TMEM14A: variants seen among roughly 807,000 people sequenced by gnomAD.
TMEM14A encodes transmembrane protein 14A.
A neutral mutation model predicts 11.6 loss-of-function variants in TMEM14A; 8 were observed. The ratio of observed to expected loss-of-function variants is 0.69; its 90% CI spans 0.40 to 1.24. TMEM14A has a LOEUF of 1.24. TMEM14A is among the 50% of genes most tolerant of loss of function. The pLI is 0.01. For synonymous variants in TMEM14A, 34 were observed against 45.5 expected (o/e 0.75, Z 1.02); for missense variants, 108 against 121.9 (o/e 0.89, Z 0.54).
chr6:52,676,359 C>T (rs925991053), intron 1 of TMEM14A, among the ~76,000 whole-genome samples: 14 of 152,102 alleles, frequency 9.2e-5, no homozygotes, highest in Non-Finnish European at 2.1e-4. Flanking sequence ...CTCAAGCAAT[C>T]CTCCCAACTC....
chr6:52,685,130 G>T (rs1336837706), intron 4 of TMEM14A, among the ~76,000 whole-genome samples: 1 of 152,178 alleles, frequency 6.6e-6, no homozygotes, highest in Non-Finnish European at 1.5e-5. Context: ...TTCTGTGGGT[G>T]ATAGTGTGAT....
rs1291639036 is a variant in TMEM14A at position 52,681,795 on chromosome 6, AT to A, written c.71-11del. On this transcript the variant is annotated splice_polypyrimidine_tract_variant and intron_variant, in intron 2 of 4. Coordinates refer to ENST00000211314, the MANE Select transcript of TMEM14A (RefSeq NM_014051.4). The stretch of plus-strand genomic sequence containing the variant: ...TTTGGGATTCTCTTTGTGATCTCAT[AT>A]TTTTTTCCCCTTCCAGGTGGTGTTC... 4 of 1,607,756 alleles carry A rather than the reference AT, an allele frequency of 2.5e-6. No homozygotes were observed. The highest frequency in any genetic ancestry group is 4.5e-5 in the East Asian group (2 of 44,816).
intron 2 of TMEM14A, among the ~76,000 whole-genome samples, chr6:52,679,469 G>T (rs561684668): frequency 6.6e-6 from 1 of 152,216 alleles, no homozygotes; most frequent in African/African-American, 2.4e-5. Flanking sequence ...GTGCTTGCTG[G>T]GCAGGCTGCT....
intron 2 of TMEM14A, among the ~76,000 whole-genome samples, chr6:52,680,215 G>A (rs1216227644): frequency 6.6e-6 from 1 of 151,784 alleles, no homozygotes; most frequent in Non-Finnish European, 1.5e-5. Flanking sequence ...CTATGATGGG[G>A]GCCCTTGTTC....
chr6:52,676,986 G>A (rs531796832), intron 1 of TMEM14A, 101 bp from the exon 2 acceptor site: 3 of 1,052,624 alleles, frequency 2.9e-6, no homozygotes, highest in African/African-American at 1.6e-5. Flanking sequence ...AAATTTGGGT[G>A]GGGACACACA....
intron 2 of TMEM14A, among the ~76,000 whole-genome samples, chr6:52,680,603 A>G (rs1399531162): frequency 6.2e-4 from 76 of 121,702 alleles, no homozygotes; most frequent in Non-Finnish European, 9.6e-4. Context: ...TTATATATAT[A>G]TATATATATG....
intron 1 of TMEM14A, among the ~76,000 whole-genome samples, chr6:52,673,950 G>C (rs938841642): frequency 6.6e-6 from 1 of 152,238 alleles, no homozygotes; most frequent in African/African-American, 2.4e-5. Context: ...TGAATGAGAA[G>C]AGTAATCATT....
rs536657713 is a variant in TMEM14A, at chr6:52,681,711, AG to A, written c.71-100del. The A allele has an allele frequency of 3.4e-3, 3,249 of 953,704 alleles. 4 individuals carry two copies. Among genetic ancestry groups the A allele is most frequent in the Non-Finnish European group, 4.4e-3 (2,670 of 609,140 alleles). The allele number at this position is 953,704 out of a possible 1,614,324, so 59.1% of individuals were successfully genotyped here. A position where few individuals can be genotyped will look rare whatever the true frequency, so the allele number is the denominator to read the frequency against. ...CTTTGTCCAGTTACTGTGCCCAAGT[AG>A]GAATACATTTGAAGGTGCCTGTATC... On this transcript the variant is annotated intron_variant, in intron 2 of 4. Coordinates refer to ENST00000211314, the MANE Select transcript of TMEM14A (RefSeq NM_014051.4).
chr6:52,683,385 G>A (rs1316001046), intron 3 of TMEM14A, among the ~76,000 whole-genome samples: 2 of 151,020 alleles, frequency 1.3e-5, no homozygotes, highest in Admixed American at 6.6e-5. Flanking sequence ...GCTTGAACCC[G>A]GGAGGTGGAG....
intron 2 of TMEM14A, among the ~76,000 whole-genome samples, chr6:52,680,288 A>G (rs1055832141): frequency 1.3e-5 from 2 of 151,902 alleles, no homozygotes; most frequent in Non-Finnish European, 2.9e-5. Context: ...ACACTTGGCC[A>G]AGTGAACAGT....
chr6:52,674,343 C>T (rs113845895), intron 1 of TMEM14A, among the ~76,000 whole-genome samples: 1 of 152,242 alleles, frequency 6.6e-6, no homozygotes, highest in African/African-American at 2.4e-5. Flanking sequence ...TTTACATGTT[C>T]GCTTTTTTTC....
At chr6:52,679,138 G>A (rs1487937160) in intron 2 of TMEM14A, among the ~76,000 whole-genome samples, 1 of 152,194 alleles carries the variant, frequency 6.6e-6, no homozygotes, top group Non-Finnish European at 1.5e-5. Flanking sequence ...GGGTTAAACG[G>A]AGAAGCTGAT....
intron 2 of TMEM14A, among the ~76,000 whole-genome samples, chr6:52,680,841 A>T (rs1474254292): frequency 2.0e-5 from 3 of 148,518 alleles, no homozygotes; most frequent in African/African-American, 7.4e-5. Context: ...TTGTCTTCTC[A>T]TTCAGAATGC....
chr6:52,674,985 T>G (rs1296805570), intron 1 of TMEM14A, among the ~76,000 whole-genome samples: 1 of 151,924 alleles, frequency 6.6e-6, no homozygotes, highest in Non-Finnish European at 1.5e-5. Flanking sequence ...CAAGGGATTT[T>G]CCGGTCTCAG....
chr6:52,683,485 A>C (rs1581746359), intron 3 of TMEM14A, among the ~76,000 whole-genome samples: 1 of 86,634 alleles, frequency 1.2e-5, no homozygotes, highest in South Asian at 4.2e-4. Context: ...AACAACAACA[A>C]AAAAAAAAAA....
intron 2 of TMEM14A, among the ~76,000 whole-genome samples, chr6:52,677,841 T>C (rs1384484015): frequency 6.6e-6 from 1 of 152,192 alleles, no homozygotes; most frequent in African/African-American, 2.4e-5. Flanking sequence ...TTTGTGGCAG[T>C]GGTTGACTTG....
intron 2 of TMEM14A, among the ~76,000 whole-genome samples, chr6:52,679,794 G>C (rs980555220): frequency 7.1e-6 from 1 of 140,740 alleles, no homozygotes; most frequent in Non-Finnish European, 1.5e-5. Flanking sequence ...GCTGTTTGCT[G>C]TCTGATCTCA....
rs28526208 is a variant in TMEM14A at position 52,680,671 on chromosome 6, A to G, written c.71-1142A>G. ...TATATGTGTGTGTATATATATGTGT[A>G]TATATATATATACATATATGTATAT... On this transcript the variant is annotated intron_variant, in intron 2 of 4. Coordinates refer to ENST00000211314, the MANE Select transcript of TMEM14A (RefSeq NM_014051.4). Among the ~76,000 whole-genome samples the G allele has an allele frequency of 1.7e-3, 56 of 33,550 alleles. 2 individuals are homozygous for G. Among genetic ancestry groups the G allele is most frequent in the African/African-American group, 2.2e-3 (23 of 10,522 alleles). The allele number at this position is 33,550 out of a possible 152,430, so 22.0% of individuals were successfully genotyped here.
In TMEM14A at chr6:52,686,153, A is replaced by G; in HGVS notation, c.*104A>G. On this transcript the variant is annotated 3_prime_UTR_variant, in exon 5 of 5. Coordinates refer to ENST00000211314, the MANE Select transcript of TMEM14A (RefSeq NM_014051.4). The stretch of plus-strand genomic sequence containing the variant: ...TAAACTTCAATATGGAATGCTAGAA[A>G]CACAAATAGCACTGTCACCTCTAAT... 1 of 1,148,312 alleles carries G rather than the reference A, an allele frequency of 8.7e-7. No individual in the cohort carries two copies. Among genetic ancestry groups the G allele is most frequent in the South Asian group, 1.6e-5 (1 of 61,328 alleles). 71.1% of individuals were successfully genotyped at this position (1,148,312 alleles called of 1,614,324 possible). A position where few individuals can be genotyped will look rare whatever the true frequency, so the allele number is the denominator to read the frequency against.
Sources: gnomAD v4.1 joint callset for allele counts (sites outside exome capture counted in the v4.1 genomes callset) on GRCh38, gnomAD v4.1.1 for gene constraint, MANE v1.5 for transcripts, NCBI Gene and HGNC (gene_info 2026-07-23, HGNC 2026-07-21) for gene names.